SPATA16: variants seen among roughly 807,000 people sequenced by gnomAD.
The protein encoded by SPATA16 is spermatogenesis-associated protein 16.
A neutral mutation model predicts 63.3 loss-of-function variants in SPATA16; 36 were observed. That is an observed-to-expected ratio of 0.57 (90% CI 0.44 to 0.75). The LOEUF (loss-of-function observed/expected upper bound fraction) is 0.75. SPATA16 is among the 30% of genes least tolerant of loss of function. The probability of loss-of-function intolerance (pLI) is 0.00; values close to 1 mark genes in which losing one functional copy is unlikely to be tolerated. For missense variants in SPATA16, 646 were observed against 679.3 expected (o/e 0.95, Z 0.54); for synonymous variants, 203 against 216.7 (o/e 0.94, Z 0.56).
intron 5 of SPATA16, among the ~76,000 whole-genome samples, chr3:172,969,538 T>C (rs1297020997): frequency 2.0e-5 from 3 of 152,234 alleles, no homozygotes; most frequent in African/African-American, 7.2e-5. Flanking sequence ...CACTCAACTC[T>C]AGGAATCTAA....
intron 4 of SPATA16, among the ~76,000 whole-genome samples, chr3:172,979,431 A>T (rs572464538): frequency 1.3e-5 from 2 of 152,314 alleles, no homozygotes; most frequent in South Asian, 4.1e-4. Flanking sequence ...TGGATCATAG[A>T]CACAGTGGCT....
intron 4 of SPATA16, among the ~76,000 whole-genome samples, chr3:172,997,624 A>G (rs920737758): frequency 6.6e-6 from 1 of 152,090 alleles, no homozygotes; most frequent in Non-Finnish European, 1.5e-5. Flanking sequence ...ATTCTAGCTT[A>G]TCAATTATTT....
At chr3:172,921,846 G>T (rs372809401) in intron 8 of SPATA16, among the ~76,000 whole-genome samples, 3 of 152,194 alleles carry the variant, frequency 2.0e-5, no homozygotes, top group East Asian at 3.8e-4. Context: ...TAGTTCAGAG[G>T]TTAAGTGACT....
chr3:173,114,599 A>G (rs1737844450), intron 2 of SPATA16, among the ~76,000 whole-genome samples: 1 of 152,240 alleles, frequency 6.6e-6, no homozygotes, highest in South Asian at 2.1e-4. Context: ...ACATTTATGT[A>G]TGAGAGAAAT....
At chr3:172,932,012 A>G (rs1732882898) in intron 6 of SPATA16, among the ~76,000 whole-genome samples, 1 of 152,208 alleles carries the variant, frequency 6.6e-6, no homozygotes, top group African/African-American at 2.4e-5. Context: ...CATCAGAAAA[A>G]CATCTGCAAA....
chr3:173,008,376 T>C (rs1404603305), intron 4 of SPATA16, among the ~76,000 whole-genome samples: 1 of 152,224 alleles, frequency 6.6e-6, no homozygotes, highest in East Asian at 1.9e-4. Context: ...TTTCTCTCTG[T>C]TCTTCAGTCT....
At chr3:173,026,255 A>G (rs1249830562) in intron 3 of SPATA16, among the ~76,000 whole-genome samples, 1 of 151,810 alleles carries the variant, frequency 6.6e-6, no homozygotes, top group Non-Finnish European at 1.5e-5. Context: ...GTTCTTGTTA[A>G]TCTTTTGCCA....
In SPATA16 at chr3:173,049,093, A is replaced by T. The variant is rs754856573; in HGVS notation, c.614T>A (p.Leu205His). The T allele has an allele frequency of 3.5e-5, 57 of 1,611,464 alleles. No individual in the cohort carries two copies. Among genetic ancestry groups the T allele is most frequent in the Middle Eastern group, 3.3e-4 (2 of 6,058 alleles). Residue 205 changes from leucine (L) to histidine (H), a missense_variant and splice_region_variant, in exon 3 of 11, where the codon CTT becomes CAT. Coordinates refer to ENST00000351008, the MANE Select transcript of SPATA16 (RefSeq NM_031955.6). The part of the protein sequence containing the change: ...AAGQFRTALE[L>H]CSKGAVLGEP... ...TCCCAGAACTGCTCCTTTGCTGCAAAGCTTTAAAAAATATAGTACTTTCAA... is the reference window on the plus strand; with the variant it reads ...TCCCAGAACTGCTCCTTTGCTGCAATGCTTTAAAAAATATAGTACTTTCAA...
intron 6 of SPATA16, among the ~76,000 whole-genome samples, chr3:172,929,190 C>T (rs1480978912): frequency 1.3e-5 from 2 of 151,928 alleles, no homozygotes; most frequent in African/African-American, 4.8e-5. Context: ...CAATTTATCC[C>T]AATTGGAGAT....
chr3:173,076,473 A>AT lies in SPATA16; in HGVS notation c.613-27380dup, dbSNP rs1275476781. Reference sequence around the variant, plus strand: ...ATGTTTAAATTAACACTTTGAGGCTATGCTATAGTGAGTAAGACTTTTTTT... The same window carrying AT: ...ATGTTTAAATTAACACTTTGAGGCTATTGCTATAGTGAGTAAGACTTTTTTT... On this transcript the variant is annotated intron_variant, in intron 2 of 10. Coordinates refer to ENST00000351008, the MANE Select transcript of SPATA16 (RefSeq NM_031955.6). Among the ~76,000 whole-genome samples, 11 of 152,182 alleles carry AT rather than the reference A, an allele frequency of 7.2e-5. No individual in the cohort carries two copies. In the East Asian group the frequency reaches 1.2e-3, roughly 16 times the overall value.
Position 173,085,998 on chromosome 3 carries a change from G to GTT in SPATA16, c.612+31120_612+31121dup, listed in dbSNP as rs60448093. 2.6e-3 allele frequency among the ~76,000 whole-genome samples: 388 copies of GTT among 150,912 alleles called. 1 individual carries two copies. The highest frequency in any genetic ancestry group is 8.8e-3 in the African/African-American group (363 of 41,186). ...TTTTCTTTCTTTCTTTCTTTCTTTT[G>GTT]TTTTTTTTGTATCTCTGCCAGGTTT... On this transcript the variant is annotated intron_variant, in intron 2 of 10. Transcript: ENST00000351008.
At chr3:173,114,386 T>TG (rs1176958277) in intron 2 of SPATA16, among the ~76,000 whole-genome samples, 1 of 152,086 alleles carries the variant, frequency 6.6e-6, no homozygotes, top group East Asian at 1.9e-4. Flanking sequence ...TTTTGGTTAA[T>TG]GGGAAAAAAA....
chr3:172,947,020 A>G (rs987469745), intron 6 of SPATA16, among the ~76,000 whole-genome samples: 13 of 152,114 alleles, frequency 8.5e-5, no homozygotes, highest in African/African-American at 3.1e-4. Context: ...TTGTTAGGGG[A>G]AAGGAAAGAG....
chr3:173,094,674 GT>G (rs1208060947), intron 2 of SPATA16, among the ~76,000 whole-genome samples: 1 of 137,210 alleles, frequency 7.3e-6, no homozygotes, highest in African/African-American at 2.7e-5. Context: ...TGTTATGGGA[GT>G]TGTTTTTTTT....
rs758927393 is a variant in SPATA16, at chr3:173,117,234, G to A, written c.498C>T (p.Phe166=). Reference sequence around the variant, plus strand: ...ATTTGTCAATCTGAGGCAGAAAGCTGAAATTATGTACACTCAAAGGGTCTA... The same window carrying A: ...ATTTGTCAATCTGAGGCAGAAAGCTAAAATTATGTACACTCAAAGGGTCTA... ...EIVDPLSVHN[F]SFLPQIDKWL... Residue 166 remains phenylalanine (F), a synonymous_variant, in exon 2 of 11, where the codon TTC becomes TTT. Coordinates refer to ENST00000351008, the MANE Select transcript of SPATA16 (RefSeq NM_031955.6). The A allele has an allele frequency of 6.2e-7, 1 of 1,614,024 alleles. No homozygotes were observed. Among genetic ancestry groups the A allele is most frequent in the African/African-American group, 1.3e-5 (1 of 74,926 alleles).
intron 4 of SPATA16, among the ~76,000 whole-genome samples, chr3:173,008,721 T>A (rs909903338): frequency 1.1e-4 from 17 of 152,056 alleles, no homozygotes; most frequent in Non-Finnish European, 2.1e-4. Context: ...AACTTCCAAA[T>A]TAAAATTTTA....
intron 6 of SPATA16, among the ~76,000 whole-genome samples, chr3:172,949,332 C>T (rs1733371732): frequency 6.6e-6 from 1 of 151,966 alleles, no homozygotes. Flanking sequence ...TGCTAATGCT[C>T]GTAAGGTGTA....
intron 6 of SPATA16, among the ~76,000 whole-genome samples, chr3:172,954,312 A>G (rs1181158819): frequency 6.6e-6 from 1 of 152,132 alleles, no homozygotes; most frequent in Non-Finnish European, 1.5e-5. Flanking sequence ...AAACCATCAG[A>G]TCATGTGAGA....
intron 2 of SPATA16, among the ~76,000 whole-genome samples, chr3:173,085,182 A>G (rs938139502): frequency 6.6e-6 from 1 of 150,592 alleles, no homozygotes; most frequent in Non-Finnish European, 1.5e-5. Context: ...TTGTGTCCTG[A>G]TTTTCTTGAG....
Sources: gnomAD v4.1 joint callset for allele counts (sites outside exome capture counted in the v4.1 genomes callset) on GRCh38, gnomAD v4.1.1 for gene constraint, MANE v1.5 for transcripts, NCBI Gene and HGNC (gene_info 2026-07-23, HGNC 2026-07-21) for gene names.